The following USP7 variants were observed in gnomAD, a reference collection of about 807,000 sequenced individuals.
USP7 encodes ubiquitin C-terminal hydrolase 7.
In USP7, 9 loss-of-function variants were observed where a neutral mutation model predicts 162.9. The observed-to-expected ratio is 0.06, with a 90% CI of 0.03 to 0.10. The LOEUF is 0.10. Among genes scored for constraint, USP7 ranks in the 10% least tolerant of loss-of-function variants. The pLI, the probability that USP7 is intolerant of heterozygous loss-of-function variation, is 1.00. For synonymous variants in USP7, 562 were observed against 475.9 expected, an observed-to-expected ratio of 1.18 and a Z score of -2.35; for missense variants, 715 against 1,373.7, an observed-to-expected ratio of 0.52 and a Z score of 7.58.
intron 2 of USP7, chr16:8,929,573 G>A (rs2141228401): frequency 4.4e-6 from 2 of 456,028 alleles, no homozygotes; most frequent in South Asian, 1.5e-5. Flanking sequence ...CATGAGGATT[G>A]ATGGACATGC....
At chr16:8,900,371 CT>C (rs2061755745) in intron 21 of USP7, among the ~76,000 whole-genome samples, 158 bp downstream of exon 21, 1 of 152,046 alleles carries the variant, frequency 6.6e-6, no homozygotes, top group South Asian at 2.1e-4. Flanking sequence ...TTCACCACAC[CT>C]AATTTCAAAA....
chr16:8,950,502 TACCCCAAGGCAATTA>T (rs1899500974), intron 1 of USP7, among the ~76,000 whole-genome samples: 1 of 152,196 alleles, frequency 6.6e-6, no homozygotes, highest in African/African-American at 2.4e-5. Context: ...CCAGACCCCT[TACCCCAAGGCAATTA>T]ACCCCAACTT....
chr16:8,910,059 C>T (rs1382978478), intron 11 of USP7, among the ~76,000 whole-genome samples: 1 of 152,208 alleles, frequency 6.6e-6, no homozygotes, highest in Admixed American at 6.5e-5. Context: ...TATACACTGG[C>T]AGGCTTTGTA....
chr16:8,925,416 GT>G (rs1441786774), intron 2 of USP7, among the ~76,000 whole-genome samples: 2 of 152,134 alleles, frequency 1.3e-5, no homozygotes, highest in Non-Finnish European at 1.5e-5. Context: ...AAGAAACAAG[GT>G]TATGCCTCTT....
intron 3 of USP7, among the ~76,000 whole-genome samples, chr16:8,922,279 A>C (rs1350207211): frequency 4.6e-5 from 7 of 152,218 alleles, no homozygotes; most frequent in Admixed American, 4.6e-4. Flanking sequence ...ACCTGAGGTC[A>C]GGAGTTCGAG....
At position 8,905,274 on chromosome 16, in the gene USP7, G is replaced by A; in HGVS notation, c.1486C>T (p.His496Tyr). 6.2e-7 allele frequency: 1 copy of A among 1,614,114 alleles called. No homozygotes were observed. The highest frequency in any genetic ancestry group is 8.5e-7 in the Non-Finnish European group (1 of 1,180,014). ...TCGTCATCGTGACCCCCATAATTGT[G>A]CTCAATTGCTTCCTCTTTAGTACAC... ...SRCTKEEAIEHNYGGHDDDLS... is the reference protein window; with the variant it reads ...SRCTKEEAIEYNYGGHDDDLS... Residue 496 changes from histidine to tyrosine, a missense_variant, in exon 14 of 31, where the codon CAC becomes TAC. By Grantham distance (83) the His-to-Tyr change is moderately conservative. Around this residue, in one of 11 missense-constraint regions of USP7, gnomAD observed 197 missense variants for 306.5 expected, o/e 0.64. Coordinates refer to ENST00000344836, the MANE Select transcript of USP7 (RefSeq NM_003470.3).
intron 1 of USP7, among the ~76,000 whole-genome samples, chr16:8,957,145 C>A (rs942193542): frequency 1.3e-5 from 2 of 152,186 alleles, no homozygotes; most frequent in African/African-American, 4.8e-5. Context: ...AGAAGTAGAC[C>A]TGCTTCTCTT....
intron 2 of USP7, among the ~76,000 whole-genome samples, chr16:8,926,604 A>G (rs1189944799): frequency 6.6e-6 from 1 of 152,196 alleles, no homozygotes; most frequent in East Asian, 1.9e-4. Flanking sequence ...AGTGATGGAG[A>G]TCTTTGCCCA....
chr16:8,915,523 C>T lies in USP7; in HGVS notation c.909G>A (p.Leu303=), dbSNP rs766980920. 2 of 1,612,328 alleles carry T rather than the reference C, an allele frequency of 1.2e-6. No homozygotes were observed. The highest frequency in any genetic ancestry group is 1.7e-5 in the Admixed American group (1 of 59,910). The change falls in exon 9 of 31, where the codon TTG becomes TTA. Residue 303 remains leucine (L), a splice_region_variant and synonymous_variant. Transcript: ENST00000344836. Reference sequence around the variant, plus strand: ...TCATCTTATTTTCCACATTATCGAGCAACTGAAAAAGAATGTTTTGGCTTT... The same window carrying T: ...TCATCTTATTTTCCACATTATCGAGTAACTGAAAAAGAATGTTTTGGCTTT... The part of the protein sequence containing the change: ...QHDVQELCRV[L]LDNVENKMKG...
At chr16:8,960,329 A>T (rs1899962556) in intron 1 of USP7, among the ~76,000 whole-genome samples, 1 of 152,064 alleles carries the variant, frequency 6.6e-6, no homozygotes, top group Non-Finnish European at 1.5e-5. Context: ...ACCCTTCATC[A>T]CTTTCCTAAC....
At chr16:8,955,703 T>G (rs368175574) in intron 1 of USP7, among the ~76,000 whole-genome samples, 3 of 10,338 alleles carry the variant, frequency 2.9e-4, no homozygotes, top group Non-Finnish European at 1.0e-3. Flanking sequence ...CGATTCCATC[T>G]CAAAAAAAAA....
At chr16:8,957,607 A>T (rs957068904) in intron 1 of USP7, among the ~76,000 whole-genome samples, 1 of 150,460 alleles carries the variant, frequency 6.6e-6, no homozygotes, top group South Asian at 2.1e-4. Context: ...AAAAAAAAAA[A>T]TTAGCCAAAT....
chr16:8,963,193 C>T lies in USP7; in HGVS notation c.79+14G>A. The T allele has an allele frequency of 7.1e-7, 1 of 1,408,314 alleles. No individual in the cohort carries two copies. Among genetic ancestry groups the T allele is most frequent in the South Asian group, 1.3e-5 (1 of 76,224 alleles). The allele number at this position is 1,408,314 out of a possible 1,614,324, so 87.2% of individuals were successfully genotyped here. On this transcript the variant is annotated intron_variant, in intron 1 of 30. Transcript: ENST00000344836. ...CGCCCCCCGGCCCCGCCGCGGCCGGCCCTCGGGCCTCACCTTCCATCTCCA... is the reference window on the plus strand; with the variant it reads ...CGCCCCCCGGCCCCGCCGCGGCCGGTCCTCGGGCCTCACCTTCCATCTCCA...
intron 1 of USP7, 103 bp from the exon 2 acceptor site, chr16:8,930,500 A>T (rs1200379964): frequency 5.5e-6 from 4 of 729,998 alleles, no homozygotes; most frequent in Non-Finnish European, 8.5e-6. Context: ...TCATTAATAA[A>T]TTCCAATTGT....
intron 10 of USP7, among the ~76,000 whole-genome samples, chr16:8,914,727 G>A (rs1229297116): frequency 4.0e-5 from 6 of 151,776 alleles, no homozygotes; most frequent in Non-Finnish European, 7.4e-5. Context: ...AGACCAGCCT[G>A]AGCAACAAAG....
chr16:8,905,367 G>A, intron 13 of USP7, 36 bp from the exon 14 acceptor site: 2 of 1,607,038 alleles, frequency 1.2e-6, no homozygotes, highest in African/African-American at 1.3e-5. Context: ...CAGCGATCAA[G>A]CACTGTGACA....
At chr16:8,960,390 A>G (rs74010349) in intron 1 of USP7, among the ~76,000 whole-genome samples, 15,001 of 152,186 alleles carry the variant, frequency 0.099, 1,000 homozygotes, top group African/African-American at 0.18. Context: ...CTGTTTTCCA[A>G]TGAATATACA....
intron 14 of USP7, among the ~76,000 whole-genome samples, 159 bp from the exon 15 acceptor site, chr16:8,904,724 C>T (rs946299633): frequency 4.6e-5 from 7 of 151,654 alleles, no homozygotes; most frequent in African/African-American, 1.7e-4. Context: ...GGGCCGATCA[C>T]GAGGTCAGGA....
In USP7 at chr16:8,892,827, A is replaced by G. The variant is rs1429336862; in HGVS notation, c.*1171T>C. The G allele has an allele frequency of 2.0e-5, 3 of 152,226 alleles. No homozygotes were observed. Among genetic ancestry groups the G allele is most frequent in the Non-Finnish European group, 4.4e-5 (3 of 68,034 alleles). The allele number at this position is 152,226 out of a possible 1,614,324, so 9.4% of individuals were successfully genotyped here. A position where few individuals can be genotyped will look rare whatever the true frequency, so the allele number is the denominator to read the frequency against. Reference sequence around the variant, plus strand: ...ATACAACATTTTCCAGCAAAAAGGCAATATACAGGAAGAGTTGGTGTACAC... The same window carrying G: ...ATACAACATTTTCCAGCAAAAAGGCGATATACAGGAAGAGTTGGTGTACAC... On this transcript the variant is annotated 3_prime_UTR_variant, in exon 31 of 31. Coordinates refer to ENST00000344836, the MANE Select transcript of USP7 (RefSeq NM_003470.3).
Sources: allele counts gnomAD v4.1 joint callset (sites outside exome capture counted in the v4.1 genomes callset), GRCh38; gene constraint gnomAD v4.1.1; regional missense constraint gnomAD v4.1.1; transcripts MANE v1.5; gene names NCBI Gene and HGNC (gene_info 2026-07-23, HGNC 2026-07-21).